Variants in SNRNP48 observed in about 807,000 individuals in gnomAD.
The protein encoded by SNRNP48 is U11/U12 small nuclear ribonucleoprotein 48 kDa protein.
SNRNP48 carries 43 observed loss-of-function variants against 47.0 expected under a neutral mutation model. The observed-to-expected ratio is 0.92, with a 90% CI of 0.72 to 1.18. The LOEUF is 1.18. SNRNP48 is among the 50% of genes most tolerant of loss of function. The probability of loss-of-function intolerance (pLI) is 0.00; values close to 1 mark genes in which losing one functional copy is unlikely to be tolerated. For synonymous variants in SNRNP48, 138 were observed against 144.0 expected (o/e 0.96, Z 0.30); for missense variants, 396 against 422.2 (o/e 0.94, Z 0.54).
chr6:7,594,977 TG>T, intron 3 of SNRNP48, 49 bp from the exon 4 acceptor site: 1 of 1,463,928 alleles, frequency 6.8e-7, no homozygotes, highest in Non-Finnish European at 9.3e-7. Flanking sequence ...AATTTAATTG[TG>T]GTCACTGATG....
At position 7,611,714 on chromosome 6, in the gene SNRNP48, A is replaced by G. The variant is rs1319410973; in HGVS notation, c.*2841A>G. ...CAGTACAGACATTAATTCTATAAACATGTTCATAGGTCTTCCCCCTCGCCC... is the reference window on the plus strand; with the variant it reads ...CAGTACAGACATTAATTCTATAAACGTGTTCATAGGTCTTCCCCCTCGCCC... On this transcript the variant is annotated 3_prime_UTR_variant, in exon 9 of 9. Transcript: ENST00000342415. 2 of 152,134 alleles carry G rather than the reference A, an allele frequency of 1.3e-5. No homozygotes were observed. Among genetic ancestry groups the G allele is most frequent in the Non-Finnish European group, 2.9e-5 (2 of 68,040 alleles). The allele number at this position is 152,134 out of a possible 1,614,324, so 9.4% of individuals were successfully genotyped here. A position where few individuals can be genotyped will look rare whatever the true frequency, so the allele number is the denominator to read the frequency against.
At chr6:7,606,482 ATTAACTG>A (rs1440326178) in intron 8 of SNRNP48, among the ~76,000 whole-genome samples, 1 of 152,208 alleles carries the variant, frequency 6.6e-6, no homozygotes, top group Non-Finnish European at 1.5e-5. Context: ...TAGGCAGGAC[ATTAACTG>A]TTAAACACGG....
intron 1 of SNRNP48, among the ~76,000 whole-genome samples, chr6:7,593,475 G>A (rs1759852976): frequency 6.6e-6 from 1 of 152,088 alleles, no homozygotes; most frequent in Admixed American, 6.5e-5. Flanking sequence ...AGGTGAGGTT[G>A]TTTAGACAGT....
chr6:7,605,620 TTC>T, intron 7 of SNRNP48, 134 bp downstream of exon 7: 1 of 836,500 alleles, frequency 1.2e-6, no homozygotes, highest in Non-Finnish European at 1.9e-6. Flanking sequence ...CTTTTTGTTT[TTC>T]GTTGTCAGTG....
chr6:7,607,477 C>T (rs1232846104), intron 8 of SNRNP48, among the ~76,000 whole-genome samples: 1 of 152,188 alleles, frequency 6.6e-6, no homozygotes, highest in African/African-American at 2.4e-5. Flanking sequence ...AGTTCCTCAT[C>T]CACACTGTGC....
Position 7,590,234 on chromosome 6 carries a change from C to G in SNRNP48, c.-24C>G. The G allele has an allele frequency of 7.7e-7, 1 of 1,297,474 alleles. No individual in the cohort carries two copies. Among genetic ancestry groups the G allele is most frequent in the Non-Finnish European group, 9.9e-7 (1 of 1,014,916 alleles). 80.4% of individuals were successfully genotyped at this position (1,297,474 alleles called of 1,614,324 possible). ...CGTGCGGTCTGCAGTTCGGCCGCTT[C>G]CTCTTGGCGGGTGGGCTGCAGCTAT... On this transcript the variant is annotated 5_prime_UTR_variant, in exon 1 of 9. Coordinates refer to ENST00000342415, the MANE Select transcript of SNRNP48 (RefSeq NM_152551.4).
chr6:7,600,870 AAG>A (rs1760005405), intron 4 of SNRNP48: 1 of 152,304 alleles, frequency 6.6e-6, no homozygotes, highest in African/African-American at 2.4e-5. Flanking sequence ...CTCATACAAA[AAG>A]ATATTTTTTA....
rs1278060061 is a variant in SNRNP48, at chr6:7,607,587, T to C, written c.972-1238T>C. Among the ~76,000 whole-genome samples, 5 of 152,178 alleles carry C rather than the reference T, an allele frequency of 3.3e-5. No homozygotes were observed. The South Asian group carries it at 8.3e-4, about 25-fold the overall frequency. On this transcript the variant is annotated intron_variant, in intron 8 of 8. Coordinates refer to ENST00000342415, the MANE Select transcript of SNRNP48 (RefSeq NM_152551.4). ...ATCCTTTAAGACCCATCTCAGCCAT[T>C]TCCTGAAGCCTTTTTCTCACTTGTT...
At chr6:7,599,859 C>A in intron 4 of SNRNP48, 2 of 1,067,406 alleles carry the variant, frequency 1.9e-6, no homozygotes, top group South Asian at 2.1e-5. Flanking sequence ...AAGTATCAGT[C>A]TTCATCATAA....
intron 8 of SNRNP48, among the ~76,000 whole-genome samples, chr6:7,606,441 C>T (rs1344470218): frequency 6.6e-6 from 1 of 152,160 alleles, no homozygotes; most frequent in Non-Finnish European, 1.5e-5. Context: ...TACTTGCTTG[C>T]TTCCTAAACA....
chr6:7,603,800 C>T (rs531152311), intron 6 of SNRNP48, among the ~76,000 whole-genome samples: 1 of 152,362 alleles, frequency 6.6e-6, no homozygotes, highest in South Asian at 2.1e-4. Context: ...CCCTGTCATA[C>T]TACCTTGGTG....
intron 5 of SNRNP48, among the ~76,000 whole-genome samples, 165 bp from the exon 6 acceptor site, chr6:7,602,458 A>C (rs1240539805): frequency 6.6e-6 from 1 of 152,216 alleles, no homozygotes; most frequent in Non-Finnish European, 1.5e-5. Flanking sequence ...AGAAGAAATG[A>C]TATAAAACTT....
intron 5 of SNRNP48, 134 bp from the exon 6 acceptor site, chr6:7,602,489 A>T: frequency 3.0e-6 from 2 of 665,998 alleles, no homozygotes; most frequent in Non-Finnish European, 4.6e-6. Context: ...TATAAATAAT[A>T]TACAATTTTT....
chr6:7,601,397 A>C lies in SNRNP48; in HGVS notation c.468A>C (p.Leu156=). The C allele has an allele frequency of 6.3e-7, 1 of 1,599,520 alleles. No homozygotes were observed. Among genetic ancestry groups the C allele is most frequent in the Non-Finnish European group, 8.5e-7 (1 of 1,177,044 alleles). ...PLNHKRFVCD[L]TQADRLALYD... ...ATCACAAACGGTTTGTTTGTGATCT[A>C]ACTCAAGCTGATCGTCTTGCCCTCT... Residue 156 remains leucine, a synonymous_variant, in exon 5 of 9, where the codon CTA becomes CTC. Coordinates refer to ENST00000342415, the MANE Select transcript of SNRNP48 (RefSeq NM_152551.4).
Position 7,595,069 on chromosome 6 carries a change from C to A in SNRNP48, c.374C>A (p.Ala125Glu), listed in dbSNP as rs771625473. The A allele has an allele frequency of 1.3e-6, 2 of 1,597,500 alleles. No individual in the cohort carries two copies. The highest frequency in any genetic ancestry group is 4.6e-5 in the East Asian group (2 of 43,874). ...CAGATAATTAAACAAGCTAGAACTGCAGTTGGGAAAGACAGTGATTGTTAT... is the reference window on the plus strand; with the variant it reads ...CAGATAATTAAACAAGCTAGAACTGAAGTTGGGAAAGACAGTGATTGTTAT... ...QFQIIKQART[A>E]VGKDSDCYNQ... Residue 125 changes from alanine (A) to glutamate (E), a missense_variant, in exon 4 of 9, where the codon GCA (alanine) becomes GAA (glutamate). Ala to Glu is a moderately radical substitution (Grantham distance 107, BLOSUM62 -1). Transcript: ENST00000342415.
intron 8 of SNRNP48, among the ~76,000 whole-genome samples, chr6:7,608,108 A>G (rs1430951073): frequency 6.6e-6 from 1 of 152,234 alleles, no homozygotes; most frequent in Admixed American, 6.5e-5. Context: ...TAAGTAAGAA[A>G]TACTTCTCAA....
At chr6:7,606,340 C>A in intron 8 of SNRNP48, 145 bp downstream of exon 8, 2 of 819,526 alleles carry the variant, frequency 2.4e-6, no homozygotes, top group Non-Finnish European at 3.7e-6. Flanking sequence ...TGATTCTTAA[C>A]ATTCATTATA....
At chr6:7,606,941 C>T (rs1760139440) in intron 8 of SNRNP48, among the ~76,000 whole-genome samples, 2 of 152,206 alleles carry the variant, frequency 1.3e-5, no homozygotes, top group Non-Finnish European at 2.9e-5. Context: ...GGTCATTTTC[C>T]TAATTTTTCT....
intron 6 of SNRNP48, among the ~76,000 whole-genome samples, chr6:7,604,911 G>C (rs978295621): frequency 2.0e-5 from 3 of 152,124 alleles, no homozygotes; most frequent in Admixed American, 1.3e-4. Flanking sequence ...CTAATAGAGA[G>C]ATAAATTGCA....
Sources: allele counts gnomAD v4.1 joint callset (sites outside exome capture counted in the v4.1 genomes callset), GRCh38; gene constraint gnomAD v4.1.1; transcripts MANE v1.5; gene names NCBI Gene and HGNC (gene_info 2026-07-23, HGNC 2026-07-21).